RAP1GAP: variants seen among roughly 807,000 people sequenced by gnomAD.
The protein encoded by RAP1GAP is RAP1 GTPase activating protein, also known as rap1 GTPase-activating protein 1.
A neutral mutation model predicts 87.2 loss-of-function variants in RAP1GAP; 35 were observed. The ratio of observed to expected loss-of-function variants is 0.40; its 90% CI spans 0.31 to 0.53. RAP1GAP has a LOEUF of 0.53. Among genes scored for constraint, RAP1GAP ranks in the 20% least tolerant of loss-of-function variants. RAP1GAP has a pLI of 0.48. For missense variants in RAP1GAP, 734 were observed against 898.9 expected (o/e 0.82, Z 2.35); for synonymous variants, 375 against 363.9 (o/e 1.03, Z -0.35).
intron 17 of RAP1GAP, among the ~76,000 whole-genome samples, chr1:21,606,924 G>C (rs1466317712): frequency 6.6e-6 from 1 of 152,160 alleles, no homozygotes; most frequent in South Asian, 2.1e-4. Flanking sequence ...GACCATCGGA[G>C]CCCTCCTCAA....
Position 21,626,252 on chromosome 1 carries a change from G to A in RAP1GAP, c.-19+52C>T, listed in dbSNP as rs2091983836. On this transcript the variant is annotated intron_variant, in intron 3 of 24. Coordinates refer to ENST00000374765, the MANE Select transcript of RAP1GAP (RefSeq NM_002885.4). ...GGGCCTTTCCCAGCCCTGGGCATGTGTCGGAGGTAGGGGGCAGACCAGGGG... is the reference window on the plus strand; with the variant it reads ...GGGCCTTTCCCAGCCCTGGGCATGTATCGGAGGTAGGGGGCAGACCAGGGG... 3.5e-6 allele frequency: 5 copies of A among 1,449,042 alleles called. No individual in the cohort carries two copies. In the South Asian group the frequency reaches 5.7e-5, roughly 17 times the overall value. The allele number at this position is 1,449,042 out of a possible 1,614,324, so 89.8% of individuals were successfully genotyped here.
intron 3 of RAP1GAP, among the ~76,000 whole-genome samples, chr1:21,620,318 C>T (rs924794344): frequency 6.6e-6 from 1 of 152,202 alleles, no homozygotes; most frequent in Non-Finnish European, 1.5e-5. Flanking sequence ...CCCTGACGGG[C>T]TGCTACCCTT....
chr1:21,613,382 C>T lies in RAP1GAP; in HGVS notation c.475-153G>A, dbSNP rs1235111671. On this transcript the variant is annotated intron_variant, in intron 9 of 24. Transcript: ENST00000374765. The surrounding 1 kb of genome is among the most constrained non-coding windows in gnomAD (Gnocchi z 4.7). ...TCGGGGTTCACTGTTGCTCAGGGAA[C>T]GGAGGTCCCCTGAGATCTGAAGGTG... Among the ~76,000 whole-genome samples the T allele has an allele frequency of 2.0e-5, 3 of 152,032 alleles. No individual in the cohort carries two copies. Among genetic ancestry groups the T allele is most frequent in the African/African-American group, 7.3e-5 (3 of 41,376 alleles).
intron 2 of RAP1GAP, among the ~76,000 whole-genome samples, chr1:21,629,986 C>T (rs937913133): frequency 6.6e-6 from 1 of 152,146 alleles, no homozygotes; most frequent in African/African-American, 2.4e-5. Context: ...CAAGTCAAGT[C>T]GGAAAGGTAA....
chr1:21,633,245 T>TG (rs1309275490), intron 2 of RAP1GAP, among the ~76,000 whole-genome samples: 1 of 152,120 alleles, frequency 6.6e-6, no homozygotes, highest in Non-Finnish European at 1.5e-5. Context: ...GGTCTCCCAG[T>TG]GGGTCCAGCC....
At chr1:21,666,440 C>G (rs1214122984) in intron 1 of RAP1GAP, among the ~76,000 whole-genome samples, 1 of 152,234 alleles carries the variant, frequency 6.6e-6, no homozygotes. Context: ...CAGAACAACA[C>G]CTTCAGAGAC....
chr1:21,635,303 C>T (rs964089477), intron 2 of RAP1GAP, among the ~76,000 whole-genome samples: 3 of 152,194 alleles, frequency 2.0e-5, no homozygotes, highest in African/African-American at 7.2e-5. Context: ...CTCCGCAGCC[C>T]AGGGGGTCTC....
chr1:21,640,672 T>C (rs2095434084), intron 2 of RAP1GAP, among the ~76,000 whole-genome samples: 1 of 152,040 alleles, frequency 6.6e-6, no homozygotes, highest in African/African-American at 2.4e-5. Context: ...GCAGTTCCCT[T>C]ACCCCCGACT....
intron 1 of RAP1GAP, chr1:21,651,765 G>A (rs1317813828): frequency 1.4e-6 from 2 of 1,419,108 alleles, no homozygotes; most frequent in Non-Finnish European, 1.8e-6. Context: ...GCCCCGCGCC[G>A]CGCCACGCCC....
chr1:21,600,370 C>T (rs755702034), intron 20 of RAP1GAP, among the ~76,000 whole-genome samples: 39 of 152,170 alleles, frequency 2.6e-4, no homozygotes, highest in East Asian at 5.8e-4. Context: ...TTCACCTACC[C>T]GGCTCTTTAG....
Position 21,669,155 on chromosome 1 carries a change from G to A in RAP1GAP, c.-149+99C>T. The stretch of plus-strand genomic sequence containing the variant: ...GCGTTCGCCCCCACCCTCCGTCCCC[G>A]CCCGCCCGCGCGGGGTCTTCGCTGC... On this transcript the variant is annotated intron_variant, in intron 1 of 24. Transcript: ENST00000374765. The surrounding 1 kb of genome is among the most constrained non-coding windows in gnomAD (Gnocchi z 5.6). 2 of 1,170,426 alleles carry A rather than the reference G, an allele frequency of 1.7e-6. No homozygotes were observed. The highest frequency in any genetic ancestry group is 2.2e-6 in the Non-Finnish European group (2 of 930,230). 72.5% of individuals were successfully genotyped at this position (1,170,426 alleles called of 1,614,324 possible). A position where few individuals can be genotyped will look rare whatever the true frequency, so the allele number is the denominator to read the frequency against.
intron 19 of RAP1GAP, among the ~76,000 whole-genome samples, 198 bp from the exon 20 acceptor site, chr1:21,601,995 T>C (rs1054442278): frequency 6.6e-6 from 1 of 152,204 alleles, no homozygotes; most frequent in Non-Finnish European, 1.5e-5. Context: ...GATGGGGCTA[T>C]ATGGGACAGG....
At chr1:21,648,934 CCCAGCAGCTGGGGGG>C (rs984546032) in intron 2 of RAP1GAP, among the ~76,000 whole-genome samples, 20 of 152,290 alleles carry the variant, frequency 1.3e-4, no homozygotes, top group African/African-American at 4.8e-4. Context: ...ATGGGAGTCG[CCCAGCAGCTGGGGGG>C]TACTGCAGGA....
At chr1:21,597,832 C>T (rs1461293086) in intron 23 of RAP1GAP, 104 bp from the exon 24 acceptor site, 2 of 1,530,872 alleles carry the variant, frequency 1.3e-6, no homozygotes, top group Non-Finnish European at 8.9e-7. Flanking sequence ...GCCGGGCAAG[C>T]CCCACCCCTC....
At chr1:21,652,665 A>G (rs768881770) in intron 1 of RAP1GAP, among the ~76,000 whole-genome samples, 1 of 152,136 alleles carries the variant, frequency 6.6e-6, no homozygotes, top group Non-Finnish European at 1.5e-5. Flanking sequence ...GTTCTGCAGC[A>G]GGTACTCATT....
At chr1:21,653,577 TTCC>T (rs1207959636) in intron 1 of RAP1GAP, among the ~76,000 whole-genome samples, 51 of 133,774 alleles carry the variant, frequency 3.8e-4, no homozygotes, top group Middle Eastern at 3.8e-3. Context: ...CCTTCCTTCC[TTCC>T]TTCCTTCCTT....
intron 4 of RAP1GAP, 89 bp downstream of exon 4, chr1:21,619,926 G>T: frequency 7.1e-7 from 1 of 1,411,258 alleles, no homozygotes; most frequent in Non-Finnish European, 1.0e-6. Flanking sequence ...CCTCAGGGAG[G>T]TGAAGGGCTG....
chr1:21,651,112 A>T (rs2096531613), intron 1 of RAP1GAP, among the ~76,000 whole-genome samples: 1 of 152,012 alleles, frequency 6.6e-6, no homozygotes, highest in East Asian at 1.9e-4. Context: ...ATAAATCCCC[A>T]TCCCACCTCT....
At position 21,613,619 on chromosome 1, in the gene RAP1GAP, A is replaced by G. The variant is rs2079911622; in HGVS notation, c.474+9T>C. ...CAGCCCGGGAAGCTCAGCGGAGCGG[A>G]GACCTCACCTTTGCCATCTGGACAA... On this transcript the variant is annotated intron_variant, in intron 9 of 24. Transcript: ENST00000374765. This position sits in a 1 kb window ranked among gnomAD's most constrained non-coding sequence, Gnocchi z 4.7. 6.2e-7 allele frequency: 1 copy of G among 1,608,442 alleles called. No individual in the cohort carries two copies. The highest frequency in any genetic ancestry group is 2.2e-5 in the East Asian group (1 of 44,850).
Sources: allele counts gnomAD v4.1 joint callset (sites outside exome capture counted in the v4.1 genomes callset), GRCh38; gene constraint gnomAD v4.1.1; non-coding constraint Gnocchi (gnomAD v3.1); transcripts MANE v1.5; gene names NCBI Gene and HGNC (gene_info 2026-07-23, HGNC 2026-07-21).